ARMC2: variants seen among roughly 807,000 people sequenced by gnomAD.
The protein encoded by ARMC2 is armadillo repeat-containing protein 2.
A neutral mutation model predicts 90.3 loss-of-function variants in ARMC2; 67 were observed. The observed-to-expected ratio is 0.74, with a 90% confidence interval of 0.61 to 0.91. ARMC2 has a LOEUF of 0.91. Ranked by LOEUF, ARMC2 falls within the 40% of genes least tolerant of loss-of-function variation. ARMC2 has a pLI of 0.00. For synonymous variants in ARMC2, 393 were observed against 393.0 expected (o/e 1.00, Z 0.00); for missense variants, 920 against 1,030.9 (o/e 0.89, Z 1.47).
At chr6:108,898,974 A>T (rs1490052545) in intron 6 of ARMC2, among the ~76,000 whole-genome samples, 2 of 152,230 alleles carry the variant, frequency 1.3e-5, no homozygotes, top group Non-Finnish European at 2.9e-5. Context: ...CAGGGAAATG[A>T]AATTAATTAT....
At chr6:108,914,091 A>G (rs1583097093) in intron 10 of ARMC2, among the ~76,000 whole-genome samples, 1 of 151,840 alleles carries the variant, frequency 6.6e-6, no homozygotes, top group East Asian at 1.9e-4. Context: ...TCTCTTTCCA[A>G]CCCCATCTTA....
the ARMC2 span, among the ~76,000 whole-genome samples, chr6:109,036,621 T>TA: frequency 1.3e-4 from 20 of 152,248 alleles, no homozygotes; most frequent in African/African-American, 4.8e-4. Context: ...TATGATATGA[T>TA]AAAAAAAATT....
downstream of ARMC2, among the ~76,000 whole-genome samples, chr6:108,976,379 C>T (rs1004980815): frequency 3.9e-4 from 59 of 152,196 alleles, no homozygotes; most frequent in African/African-American, 1.4e-3. Context: ...TGTTTTGGTA[C>T]CAGTACCATG....
Position 108,953,403 on chromosome 6 carries a change from C to T in ARMC2, c.1915+52C>T, listed in dbSNP as rs1288070337. 2.6e-6 allele frequency: 4 copies of T among 1,514,926 alleles called. No homozygotes were observed. In the East Asian group the frequency reaches 6.9e-5, roughly 26 times the overall value. 93.8% of individuals were successfully genotyped at this position (1,514,926 alleles called of 1,614,324 possible). ...GCAGACACAACCAACTTTCCCGCGG[C>T]CCAAAGACAGTTCTGTGTCTGTGGT... On this transcript the variant is annotated intron_variant, in intron 13 of 17. Transcript: ENST00000392644.
chr6:108,904,487 A>C, intron 8 of ARMC2, 82 bp downstream of exon 8: 1 of 1,257,452 alleles, frequency 8.0e-7, no homozygotes. Flanking sequence ...TATTACAAAG[A>C]ATATTAGAAA....
At chr6:109,014,232 C>T in the ARMC2 span, among the ~76,000 whole-genome samples, 1 of 152,066 alleles carries the variant, frequency 6.6e-6, no homozygotes, top group South Asian at 2.1e-4. Context: ...GTTGCTTTTA[C>T]CCCAAAATCA....
At chr6:108,926,792 G>A (rs1775140338) in intron 10 of ARMC2, among the ~76,000 whole-genome samples, 1 of 152,036 alleles carries the variant, frequency 6.6e-6, no homozygotes, top group African/African-American at 2.4e-5. Context: ...GATCTATGGA[G>A]TTAAGTGGAA....
At chr6:108,933,919 T>C (rs184157133) in intron 11 of ARMC2, among the ~76,000 whole-genome samples, 16 of 152,242 alleles carry the variant, frequency 1.1e-4, no homozygotes, top group African/African-American at 3.6e-4. Flanking sequence ...TGGAGTGCAG[T>C]GGCGTGATCT....
At chr6:109,002,879 G>C in the ARMC2 span, among the ~76,000 whole-genome samples, 4 of 152,152 alleles carry the variant, frequency 2.6e-5, no homozygotes, top group East Asian at 7.7e-4. Context: ...TGTTTTCTCT[G>C]CAGTTAAATA....
At position 108,961,549 on chromosome 6, in the gene ARMC2, C is replaced by T. The variant is rs1306197833; in HGVS notation, c.1916-23C>T. The T allele has an allele frequency of 5.0e-6, 8 of 1,590,560 alleles. No individual in the cohort carries two copies. In the East Asian group the frequency reaches 9.0e-5, roughly 18 times the overall value. Reference sequence around the variant, plus strand: ...CTACTCCTGCAGTGGGTCTTTGACTCCCTTATCCTTACTTCATTTCAGAAT... The same window carrying T: ...CTACTCCTGCAGTGGGTCTTTGACTTCCTTATCCTTACTTCATTTCAGAAT... On this transcript the variant is annotated intron_variant, in intron 13 of 17. Coordinates refer to ENST00000392644, the MANE Select transcript of ARMC2 (RefSeq NM_032131.6).
At chr6:108,863,826 A>T (rs2768541) in intron 3 of ARMC2, among the ~76,000 whole-genome samples, 2 of 152,030 alleles carry the variant, frequency 1.3e-5, no homozygotes, top group Non-Finnish European at 2.9e-5. Context: ...AAAATAGATC[A>T]CTGCCAACAT....
chr6:109,042,444 T>G, the ARMC2 span, among the ~76,000 whole-genome samples: 4 of 148,224 alleles, frequency 2.7e-5, no homozygotes, highest in South Asian at 4.3e-4. Context: ...AAAAAAAAAT[T>G]GAAAAACCTC....
the ARMC2 span, among the ~76,000 whole-genome samples, chr6:109,037,846 A>ATTTTTATCTAAATGACTAGGTTTCT: frequency 1.3e-4 from 20 of 152,344 alleles, no homozygotes; most frequent in African/African-American, 4.6e-4. Flanking sequence ...TAAAAATAGT[A>ATTTTTATCTAAATGACTAGGTTTCT]AAATGATACC....
In ARMC2 at chr6:108,961,644, A is replaced by G. The variant is rs1358937894; in HGVS notation, c.1988A>G (p.Tyr663Cys). 3.1e-6 allele frequency: 5 copies of G among 1,612,076 alleles called. No homozygotes were observed. The highest frequency in any genetic ancestry group is 4.2e-6 in the Non-Finnish European group (5 of 1,179,218). Residue 663 changes from tyrosine (Y) to cysteine (C), a missense_variant, in exon 14 of 18, where the codon TAC (tyrosine) becomes TGC (cysteine). By Grantham distance (194) the Tyr-to-Cys change is radical. Transcript: ENST00000392644. ...GCGACAATCAACAATTTATCTTACT[A>G]CCAAGTGAAGAATTCCATAATTCAA... Reference protein sequence around the residue: ...ATATINNLSYYQVKNSIIQDK... With the variant: ...ATATINNLSYCQVKNSIIQDK...
At chr6:109,024,501 C>T in the ARMC2 span, among the ~76,000 whole-genome samples, 14 of 152,106 alleles carry the variant, frequency 9.2e-5, no homozygotes, top group African/African-American at 1.7e-4. Flanking sequence ...AAACTGACCT[C>T]GATATTAGTG....
Position 108,928,854 on chromosome 6 carries a change from G to A in ARMC2, c.1496+621G>A, listed in dbSNP as rs537159831. ...GTATTTTTACATAATGATTCTTCTC[G>A]GGAGCCTGAGGCTTTTCTTGAACTA... On this transcript the variant is annotated intron_variant, in intron 11 of 17. Coordinates refer to ENST00000392644, the MANE Select transcript of ARMC2 (RefSeq NM_032131.6). Among the ~76,000 whole-genome samples the A allele has an allele frequency of 1.8e-4, 28 of 152,168 alleles. No individual in the cohort carries two copies. In the South Asian group the frequency reaches 2.1e-3, roughly 11 times the overall value.
the ARMC2 span, among the ~76,000 whole-genome samples, chr6:108,994,163 A>AAAAAAAAAAAG: frequency 6.8e-6 from 1 of 147,086 alleles, no homozygotes. Context: ...AAAAAAAAAA[A>AAAAAAAAAAAG]GAGAAAAAAG....
intron 5 of ARMC2, chr6:108,879,862 AG>A: frequency 2.2e-6 from 1 of 459,380 alleles, no homozygotes; most frequent in Admixed American, 2.5e-5. Context: ...TAACACTTTC[AG>A]GGGCTCAGTT....
chr6:108,949,031 A>G (rs1011434064), intron 12 of ARMC2, among the ~76,000 whole-genome samples: 2 of 152,200 alleles, frequency 1.3e-5, no homozygotes, highest in African/African-American at 4.8e-5. Flanking sequence ...AGGAAGAAAA[A>G]AAACAATCCA....
Sources: gnomAD v4.1 joint callset for allele counts (sites outside exome capture counted in the v4.1 genomes callset) on GRCh38, gnomAD v4.1.1 for gene constraint, MANE v1.5 for transcripts, NCBI Gene and HGNC (gene_info 2026-07-23, HGNC 2026-07-21) for gene names.